Variants in MECOM observed in about 807,000 individuals in gnomAD.
MECOM encodes histone-lysine N-methyltransferase MECOM.
In MECOM, 13 loss-of-function variants were observed where a neutral mutation model predicts 116.3. The ratio of observed to expected loss-of-function variants is 0.11; its 90% CI spans 0.07 to 0.18. The LOEUF is 0.18. Among genes scored for constraint, MECOM ranks in the 10% least tolerant of loss-of-function variants. MECOM has a pLI of 1.00. For synonymous variants in MECOM, 528 were observed against 535.2 expected (o/e 0.99, Z 0.19); for missense variants, 1,299 against 1,509.0 (o/e 0.86, Z 2.31).
intron 2 of MECOM, among the ~76,000 whole-genome samples, chr3:169,356,503 G>A (rs1727304179): frequency 6.6e-6 from 1 of 151,906 alleles, no homozygotes; most frequent in African/African-American, 2.4e-5. Context: ...GATAACATCT[G>A]CATTCACTCA....
intron 1 of MECOM, among the ~76,000 whole-genome samples, chr3:169,612,041 C>T (rs1424934219): frequency 6.6e-6 from 1 of 152,088 alleles, no homozygotes; most frequent in Non-Finnish European, 1.5e-5. Flanking sequence ...GCCAACCTCC[C>T]GAATCTCTAG....
intron 1 of MECOM, among the ~76,000 whole-genome samples, chr3:169,636,827 C>T (rs1026027781): frequency 3.9e-5 from 6 of 152,314 alleles, no homozygotes; most frequent in African/African-American, 1.2e-4. Flanking sequence ...AGAGCAAACA[C>T]GAACAACCTC....
At chr3:169,253,748 C>G (rs1333518427) in intron 2 of MECOM, among the ~76,000 whole-genome samples, 1 of 151,870 alleles carries the variant, frequency 6.6e-6, no homozygotes, top group Non-Finnish European at 1.5e-5. Context: ...AATTTCATGC[C>G]ATCATATAAA....
chr3:169,226,066 TAAC>T (rs1196779012), intron 2 of MECOM, among the ~76,000 whole-genome samples: 1 of 152,228 alleles, frequency 6.6e-6, no homozygotes, highest in East Asian at 1.9e-4. Context: ...TTCTTTAACT[TAAC>T]AAATAATTTC....
intron 1 of MECOM, among the ~76,000 whole-genome samples, chr3:169,633,364 T>C (rs1028846627): frequency 7.2e-5 from 11 of 152,220 alleles, no homozygotes; most frequent in African/African-American, 2.4e-5. Flanking sequence ...AATATGATCC[T>C]TGTGTTCCCA....
At chr3:169,286,540 C>T (rs1713362109) in intron 2 of MECOM, among the ~76,000 whole-genome samples, 2 of 152,156 alleles carry the variant, frequency 1.3e-5, no homozygotes, top group Admixed American at 1.3e-4. Flanking sequence ...GTTGACAACG[C>T]TCCCTGCAAG....
intron 1 of MECOM, among the ~76,000 whole-genome samples, chr3:169,518,754 G>C (rs777440029): frequency 6.6e-6 from 1 of 152,138 alleles, no homozygotes; most frequent in East Asian, 1.9e-4. Context: ...GAACCTTATG[G>C]GAGGTGATTG....
intron 2 of MECOM, among the ~76,000 whole-genome samples, chr3:169,157,868 C>A (rs1370306666): frequency 2.6e-5 from 4 of 152,126 alleles, no homozygotes; most frequent in African/African-American, 7.2e-5. Flanking sequence ...AAAATATGCA[C>A]CCTGATTCAC....
At chr3:169,099,783 GTAAC>G (rs1244537412) in intron 12 of MECOM, among the ~76,000 whole-genome samples, 1 of 152,066 alleles carries the variant, frequency 6.6e-6, no homozygotes, top group African/African-American at 2.4e-5. Flanking sequence ...ATATTTACGA[GTAAC>G]TAATACTGTG....
intron 1 of MECOM, among the ~76,000 whole-genome samples, chr3:169,493,339 A>G (rs768778276): frequency 2.6e-5 from 4 of 152,128 alleles, no homozygotes; most frequent in Non-Finnish European, 5.9e-5. Context: ...CTCATCTTCA[A>G]AAGGAATAAT....
chr3:169,093,316 C>T (rs531346783), intron 13 of MECOM, among the ~76,000 whole-genome samples: 5 of 152,278 alleles, frequency 3.3e-5, no homozygotes, highest in East Asian at 3.9e-4. Flanking sequence ...CCACTGAAAT[C>T]ATGAAGTACA....
At chr3:169,433,689 G>GAAAGAAAGAAAGAAAGAAAGAA (rs762521796) in intron 1 of MECOM, among the ~76,000 whole-genome samples, 1 of 96,788 alleles carries the variant, frequency 1.0e-5, no homozygotes, top group African/African-American at 3.8e-5. Flanking sequence ...AAGAAAGAAA[G>GAAAGAAAGAAAGAAAGAAAGAA]AGAAAGAAAG....
intron 2 of MECOM, among the ~76,000 whole-genome samples, chr3:169,157,307 T>C (rs1742143476): frequency 6.6e-6 from 1 of 152,234 alleles, no homozygotes; most frequent in Non-Finnish European, 1.5e-5. Flanking sequence ...GTTACAGCGT[T>C]AAGAAACAAT....
At chr3:169,290,054 G>A (rs552372710) in intron 2 of MECOM, among the ~76,000 whole-genome samples, 5 of 152,034 alleles carry the variant, frequency 3.3e-5, no homozygotes, top group East Asian at 1.9e-4. Context: ...TTGAGAAGCC[G>A]ACAACAGTAA....
At chr3:169,370,963 A>C (rs1729998519) in intron 2 of MECOM, among the ~76,000 whole-genome samples, 1 of 151,976 alleles carries the variant, frequency 6.6e-6, no homozygotes, top group South Asian at 2.1e-4. Flanking sequence ...AACAGTCCTC[A>C]AAAAATTGAA....
intron 1 of MECOM, among the ~76,000 whole-genome samples, chr3:169,594,071 A>G (rs1325046736): frequency 6.8e-6 from 1 of 148,076 alleles, no homozygotes; most frequent in African/African-American, 2.5e-5. Context: ...CAGTGAGCCG[A>G]GATTGCACCA....
chr3:169,356,928 G>A (rs1158315224), intron 2 of MECOM, among the ~76,000 whole-genome samples: 2 of 151,810 alleles, frequency 1.3e-5, no homozygotes, highest in Non-Finnish European at 2.9e-5. Flanking sequence ...AATTCCCCAC[G>A]CTAAGGCAAA....
chr3:169,153,558 A>G (rs1045715047), intron 2 of MECOM, among the ~76,000 whole-genome samples: 4 of 152,212 alleles, frequency 2.6e-5, no homozygotes, highest in Non-Finnish European at 5.9e-5. Flanking sequence ...ATTTTAATTA[A>G]TTCAATCTTT....
intron 5 of MECOM, among the ~76,000 whole-genome samples, chr3:169,125,433 G>A (rs1289940079): frequency 1.3e-5 from 2 of 151,948 alleles, no homozygotes; most frequent in Non-Finnish European, 2.9e-5. Context: ...GAAATCTAGT[G>A]GCAAAAGCTT....
Sources: gnomAD v4.1 joint callset for allele counts (sites outside exome capture counted in the v4.1 genomes callset) on GRCh38, gnomAD v4.1.1 for gene constraint, MANE v1.5 for transcripts, NCBI Gene and HGNC (gene_info 2026-07-23, HGNC 2026-07-21) for gene names.